The following SPATC1L variants were observed in gnomAD, a reference collection of about 807,000 sequenced individuals.
SPATC1L encodes speriolin-like protein.
Under a neutral mutation model 21.2 loss-of-function variants are expected in SPATC1L, and 20 were observed. The observed-to-expected ratio is 0.94, with a 90% CI of 0.66 to 1.37. The LOEUF (loss-of-function observed/expected upper bound fraction) is 1.37, where lower values mean the gene tolerates loss of function less well. SPATC1L is among the 40% of genes most tolerant of loss of function. The pLI is 0.00. For synonymous variants in SPATC1L, 290 were observed against 234.5 expected (o/e 1.24, Z -2.16); for missense variants, 499 against 478.7 (o/e 1.04, Z -0.40).
In SPATC1L at chr21:46,161,526, G is replaced by GCGCA. The variant is rs749648631; in HGVS notation, c.872_875dup (p.Asn294ArgfsTer?). 6.2e-7 allele frequency: 1 copy of GCGCA among 1,610,086 alleles called. No individual in the cohort carries two copies. The highest frequency in any genetic ancestry group is 1.3e-5 in the African/African-American group (1 of 74,878). On this transcript the variant is annotated frameshift_variant, in exon 5 of 5. Transcript: ENST00000291672. LOFTEE classifies it high-confidence loss of function. ...CCGGGCTGCTGTGCAGGGGGTTGGC[G>GCGCA]CGCAGGTCGGGCCGCTGCTTCAGGA... is the stretch of plus-strand genomic sequence containing the variant.
At position 46,161,716 on chromosome 21, in the gene SPATC1L, A is replaced by G. The variant is rs1198875904; in HGVS notation, c.697-11T>C. 1.3e-5 allele frequency: 20 copies of G among 1,572,696 alleles called. No homozygotes were observed. Among genetic ancestry groups the G allele is most frequent in the Non-Finnish European group, 1.7e-5 (20 of 1,157,904 alleles). On this transcript the variant is annotated splice_polypyrimidine_tract_variant and intron_variant, in intron 4 of 4. Transcript: ENST00000291672. Reference sequence around the variant, plus strand: ...AGACTTGGTGGAGGTCTGCGGGCGCAGCGCATGGATGGGGGTGGGGGGCTC... The same window carrying G: ...AGACTTGGTGGAGGTCTGCGGGCGCGGCGCATGGATGGGGGTGGGGGGCTC...
chr21:46,170,322 C>T (rs2079576484), intron 2 of SPATC1L, among the ~76,000 whole-genome samples: 1 of 147,712 alleles, frequency 6.8e-6, no homozygotes, highest in Non-Finnish European at 1.5e-5. Flanking sequence ...TGGGGAGGAG[C>T]CTCCCTGCTC....
chr21:46,173,840 G>T (rs1299586904), intron 2 of SPATC1L, among the ~76,000 whole-genome samples: 1 of 152,150 alleles, frequency 6.6e-6, no homozygotes, highest in Admixed American at 6.5e-5. Context: ...TGCTGTAGCT[G>T]CAGTACCTCA....
At chr21:46,168,686 A>G (rs1410603814) in intron 2 of SPATC1L, 28 bp from the exon 3 acceptor site, 3 of 1,325,112 alleles carry the variant, frequency 2.3e-6, no homozygotes, top group Admixed American at 3.1e-5. Context: ...GGGATGAGAA[A>G]TCAGGCTGAT....
At position 46,180,406 on chromosome 21, in the gene SPATC1L, G is replaced by A. The variant is rs553603271; in HGVS notation, c.193+2218C>T. Among the ~76,000 whole-genome samples the A allele has an allele frequency of 1.2e-4, 19 of 152,342 alleles. No individual in the cohort carries two copies. The East Asian group carries it at 3.7e-3, about 29-fold the overall frequency. On this transcript the variant is annotated intron_variant, in intron 2 of 4. Transcript: ENST00000291672. Reference sequence around the variant, plus strand: ...TGCCTTTGCGGAGGGGGCCGGAGGCGTGGCCTGAGGCTTAAACGTTGCACC... The same window carrying A: ...TGCCTTTGCGGAGGGGGCCGGAGGCATGGCCTGAGGCTTAAACGTTGCACC...
chr21:46,166,199 C>G (rs2123623675), intron 3 of SPATC1L, among the ~76,000 whole-genome samples: 1 of 152,212 alleles, frequency 6.6e-6, no homozygotes, highest in South Asian at 2.1e-4. Flanking sequence ...AACCCCATCT[C>G]TACTAAAAAT....
At position 46,161,175 on chromosome 21, in the gene SPATC1L, T is replaced by C; in HGVS notation, c.*204A>G. On this transcript the variant is annotated 3_prime_UTR_variant, in exon 5 of 5. Coordinates refer to ENST00000291672, the MANE Select transcript of SPATC1L (RefSeq NM_001142854.2). ...AAGGCAGACATGCAAACGGATGATT[T>C]TAATGAGGGGTGAGAAGCACTCCGC... The C allele has an allele frequency of 2.3e-6, 1 of 430,802 alleles. No homozygotes were observed. The highest frequency in any genetic ancestry group is 4.0e-6 in the Non-Finnish European group (1 of 251,286). The allele number at this position is 430,802 out of a possible 1,614,324, so 26.7% of individuals were successfully genotyped here.
Position 46,161,468 on chromosome 21 carries a change from GCAC to G in SPATC1L, c.931_933del (p.Val311del), listed in dbSNP as rs1293199582. 2.5e-6 allele frequency: 4 copies of G among 1,596,572 alleles called. No individual in the cohort carries two copies. The highest frequency in any genetic ancestry group is 3.4e-6 in the Non-Finnish European group (4 of 1,169,596). On this transcript the variant is annotated inframe_deletion, in exon 5 of 5. Transcript: ENST00000291672. ...AGCGAGTCGCCCAGGAACTTGGGGGGCACCACGTCGATGACCAGCTTGCGCAGC... is the reference window on the plus strand; with the variant it reads ...AGCGAGTCGCCCAGGAACTTGGGGGGCACGTCGATGACCAGCTTGCGCAGC...
chr21:46,168,547 G>T lies in SPATC1L; in HGVS notation c.305C>A (p.Thr102Asn), dbSNP rs1158405497. 7.9e-6 allele frequency: 12 copies of T among 1,511,090 alleles called. No individual in the cohort carries two copies. The highest frequency in any genetic ancestry group is 9.8e-6 in the Non-Finnish European group (11 of 1,117,414). The allele number at this position is 1,511,090 out of a possible 1,614,324, so 93.6% of individuals were successfully genotyped here. A position where few individuals can be genotyped will look rare whatever the true frequency, so the allele number is the denominator to read the frequency against. Residue 102 changes from threonine to asparagine, a missense_variant, in exon 3 of 5, where the codon ACC (threonine) becomes AAC (asparagine). Coordinates refer to ENST00000291672, the MANE Select transcript of SPATC1L (RefSeq NM_001142854.2). ...SHAPLSSEDDTSPGCAAPSQA... is the reference protein window; with the variant it reads ...SHAPLSSEDDNSPGCAAPSQA... The stretch of plus-strand genomic sequence containing the variant: ...GGAGGGGGCTGCACAGCCCGGGGAG[G>T]TGTCGTCCTCGCTGGACAGGGGGGC...
chr21:46,164,794 G>GGAAAAAA (rs1555886862), intron 3 of SPATC1L, among the ~76,000 whole-genome samples: 4 of 86,470 alleles, frequency 4.6e-5, no homozygotes, highest in African/African-American at 1.5e-4. Context: ...TCCATCTCAA[G>GGAAAAAA]AAAAAAAAAA....
intron 2 of SPATC1L, among the ~76,000 whole-genome samples, chr21:46,171,680 T>C (rs1473024851): frequency 6.6e-6 from 1 of 152,048 alleles, no homozygotes; most frequent in Non-Finnish European, 1.5e-5. Flanking sequence ...AAAATTACTT[T>C]CAAGTGACTC....
In SPATC1L at chr21:46,182,813, C is replaced by A; in HGVS notation, c.4G>T (p.Ala2Ser). Residue 2 changes from alanine (A) to serine (S), a missense_variant, in exon 2 of 5, where the codon GCT becomes TCT. By Grantham distance (99) the Ala-to-Ser change is moderately conservative. Transcript: ENST00000291672. M[A>S]EGGELMSRLL... ...CGGCTCATCAGCTCGCCGCCTTCAGCCATGGCGGGTGCGTCCCTCCTTGTC... is the reference window on the plus strand; with the variant it reads ...CGGCTCATCAGCTCGCCGCCTTCAGACATGGCGGGTGCGTCCCTCCTTGTC... The A allele has an allele frequency of 6.5e-7, 1 of 1,533,476 alleles. No homozygotes were observed. Among genetic ancestry groups the A allele is most frequent in the Non-Finnish European group, 8.8e-7 (1 of 1,138,532 alleles). The allele number at this position is 1,533,476 out of a possible 1,614,324, so 95.0% of individuals were successfully genotyped here. A position where few individuals can be genotyped will look rare whatever the true frequency, so the allele number is the denominator to read the frequency against.
chr21:46,162,880 C>T (rs1465206936), intron 3 of SPATC1L, among the ~76,000 whole-genome samples: 2 of 152,152 alleles, frequency 1.3e-5, no homozygotes, highest in Non-Finnish European at 2.9e-5. Flanking sequence ...AGCCACCGCA[C>T]CTGGCCCAGG....
At chr21:46,161,743 G>T (rs946118759) in intron 4 of SPATC1L, 38 bp from the exon 5 acceptor site, 2 of 1,523,448 alleles carry the variant, frequency 1.3e-6, no homozygotes, top group Non-Finnish European at 1.8e-6. Flanking sequence ...GGGGGGCTCG[G>T]GGCCCTCGGA....
At chr21:46,165,865 T>C (rs1285634226) in intron 3 of SPATC1L, among the ~76,000 whole-genome samples, 1 of 152,144 alleles carries the variant, frequency 6.6e-6, no homozygotes, top group African/African-American at 2.4e-5. Flanking sequence ...TCAGTTGACA[T>C]TATCAATAAA....
intron 2 of SPATC1L, among the ~76,000 whole-genome samples, chr21:46,181,576 G>C (rs2079674291): frequency 6.6e-6 from 1 of 152,216 alleles, no homozygotes; most frequent in East Asian, 1.9e-4. Context: ...GCACATCTGA[G>C]GGTGGTGGCC....
chr21:46,182,682 G>A lies in SPATC1L; in HGVS notation c.135C>T (p.His45=), dbSNP rs1343358443. 8.4e-6 allele frequency: 13 copies of A among 1,542,310 alleles called. No homozygotes were observed. In the East Asian group the frequency reaches 1.2e-4, roughly 15 times the overall value. ...CATGCGCCCTGGGTGGGAGCAGGTCGTGGCCGCCGCCCTCCTGGCAGCTCT... is the reference window on the plus strand; with the variant it reads ...CATGCGCCCTGGGTGGGAGCAGGTCATGGCCGCCGCCCTCCTGGCAGCTCT... ...LSQSCQEGGG[H]DLLPPRAHAY... is the part of the protein sequence containing the mutation. Residue 45 remains histidine, a synonymous_variant, in exon 2 of 5, where the codon CAC becomes CAT. Coordinates refer to ENST00000291672, the MANE Select transcript of SPATC1L (RefSeq NM_001142854.2).
chr21:46,174,183 G>T (rs2079612460), intron 2 of SPATC1L, among the ~76,000 whole-genome samples: 1 of 151,862 alleles, frequency 6.6e-6, no homozygotes, highest in South Asian at 2.1e-4. Flanking sequence ...AGAAAAATTA[G>T]CCAGGCATGG....
intron 2 of SPATC1L, among the ~76,000 whole-genome samples, chr21:46,170,500 C>T (rs1601384115): frequency 1.1e-5 from 1 of 87,176 alleles, no homozygotes; most frequent in Non-Finnish European, 2.3e-5. Flanking sequence ...TGTGAGCATC[C>T]TCTGTGGTCC....
Sources: gnomAD v4.1 joint callset for allele counts (sites outside exome capture counted in the v4.1 genomes callset) on GRCh38, gnomAD v4.1.1 for gene constraint, MANE v1.5 for transcripts, NCBI Gene and HGNC (gene_info 2026-07-23, HGNC 2026-07-21) for gene names.